PTPRO: variants seen among roughly 807,000 people sequenced by gnomAD.
PTPRO encodes protein tyrosine phosphatase receptor type O, also known as receptor-type tyrosine-protein phosphatase O.
PTPRO carries 62 observed loss-of-function variants against 145.2 expected under a neutral mutation model. The ratio of observed to expected loss-of-function variants is 0.43; its 90% CI spans 0.35 to 0.53. The LOEUF (loss-of-function observed/expected upper bound fraction) is 0.53, where lower values mean the gene tolerates loss of function less well. Ranked by LOEUF, PTPRO falls within the 20% of genes least tolerant of loss-of-function variation. The probability of loss-of-function intolerance (pLI) is 0.01; values close to 1 mark genes in which losing one functional copy is unlikely to be tolerated. For synonymous variants in PTPRO, 565 were observed against 514.7 expected (o/e 1.10, Z -1.32); for missense variants, 1,345 against 1,482.7 (o/e 0.91, Z 1.53).
intron 1 of PTPRO, among the ~76,000 whole-genome samples, chr12:15,331,211 T>C (rs1446115086): frequency 6.6e-6 from 1 of 152,052 alleles, no homozygotes; most frequent in Non-Finnish European, 1.5e-5. Flanking sequence ...AAATTTCAAG[T>C]GGAGGACTTG....
chr12:15,530,344 C>T (rs574498293), intron 12 of PTPRO, among the ~76,000 whole-genome samples: 27 of 152,244 alleles, frequency 1.8e-4, no homozygotes, highest in African/African-American at 5.3e-4. Context: ...AACAAAGAAA[C>T]AACAGAGTTA....
At chr12:15,477,505 A>G (rs1217286981) in intron 1 of PTPRO, among the ~76,000 whole-genome samples, 3 of 152,120 alleles carry the variant, frequency 2.0e-5, no homozygotes, top group Non-Finnish European at 4.4e-5. Context: ...GTATAATTAA[A>G]AAAAAATGCA....
intron 1 of PTPRO, among the ~76,000 whole-genome samples, chr12:15,449,973 C>T (rs1401435334): frequency 1.3e-5 from 2 of 152,170 alleles, no homozygotes; most frequent in African/African-American, 4.8e-5. Context: ...ATTTATGATT[C>T]AAGTAAGGAT....
At chr12:15,449,018 A>G (rs963538465) in intron 1 of PTPRO, among the ~76,000 whole-genome samples, 26 of 152,144 alleles carry the variant, frequency 1.7e-4, no homozygotes, top group Non-Finnish European at 3.5e-4. Context: ...ATTAAATTTA[A>G]AGTTTAATTG....
chr12:15,386,584 C>T (rs1159957249), intron 1 of PTPRO, among the ~76,000 whole-genome samples: 1 of 152,086 alleles, frequency 6.6e-6, no homozygotes, highest in Non-Finnish European at 1.5e-5. Flanking sequence ...AAAACAGTCA[C>T]ATATAGGCAA....
At chr12:15,478,638 A>T (rs1941710336) in intron 1 of PTPRO, among the ~76,000 whole-genome samples, 1 of 152,158 alleles carries the variant, frequency 6.6e-6, no homozygotes, top group Admixed American at 6.5e-5. Context: ...TCACAACCAC[A>T]GGCAAAAGGA....
chr12:15,441,569 A>G (rs1232171733), intron 1 of PTPRO, among the ~76,000 whole-genome samples: 1 of 152,150 alleles, frequency 6.6e-6, no homozygotes, highest in Non-Finnish European at 1.5e-5. Flanking sequence ...CAAAACTAAA[A>G]GTTGGTTCTT....
chr12:15,460,261 T>G (rs1286838372), intron 1 of PTPRO, among the ~76,000 whole-genome samples: 3 of 152,182 alleles, frequency 2.0e-5, no homozygotes, highest in Non-Finnish European at 4.4e-5. Context: ...GTCTTGTGGA[T>G]CAGCAGCATT....
chr12:15,409,101 A>G (rs1939724885), intron 1 of PTPRO, among the ~76,000 whole-genome samples: 1 of 152,072 alleles, frequency 6.6e-6, no homozygotes, highest in Non-Finnish European at 1.5e-5. Context: ...ATTTTATAGT[A>G]ATAACTAAGT....
chr12:15,519,048 A>G (rs112865506), intron 9 of PTPRO, among the ~76,000 whole-genome samples: 11,664 of 152,280 alleles, frequency 0.077, 550 homozygotes, highest in Non-Finnish European at 0.11. Context: ...TGACAAAGAC[A>G]TACCCAAGAC....
At chr12:15,325,065 G>A (rs1230046255) in intron 1 of PTPRO, among the ~76,000 whole-genome samples, 3 of 152,134 alleles carry the variant, frequency 2.0e-5, no homozygotes, top group East Asian at 1.9e-4. Flanking sequence ...AATGTTCCAC[G>A]TGTGCCGAGT....
At chr12:15,549,316 C>G (rs1312003371) in intron 14 of PTPRO, 90 bp downstream of exon 14, 5 of 1,095,902 alleles carry the variant, frequency 4.6e-6, no homozygotes, top group Non-Finnish European at 6.0e-6. Context: ...CAAGAAATCC[C>G]AAGCTTCGGA....
chr12:15,539,372 A>C (rs1285481307), intron 12 of PTPRO, among the ~76,000 whole-genome samples: 1 of 152,184 alleles, frequency 6.6e-6, no homozygotes, highest in African/African-American at 2.4e-5. Flanking sequence ...GAAAAACTCT[A>C]TTGATCTTTA....
intron 1 of PTPRO, among the ~76,000 whole-genome samples, chr12:15,372,588 A>T (rs1311428805): frequency 6.6e-6 from 1 of 152,178 alleles, no homozygotes; most frequent in Non-Finnish European, 1.5e-5. Flanking sequence ...AAGTGGGAGG[A>T]CAGTGTAATT....
At chr12:15,475,340 T>A (rs1307157358) in intron 1 of PTPRO, among the ~76,000 whole-genome samples, 1 of 152,214 alleles carries the variant, frequency 6.6e-6, no homozygotes, top group Non-Finnish European at 1.5e-5. Context: ...GGTTACTCAG[T>A]GCCTGATTTG....
At chr12:15,493,425 G>C (rs1271825156) in intron 2 of PTPRO, among the ~76,000 whole-genome samples, 2 of 152,052 alleles carry the variant, frequency 1.3e-5, no homozygotes, top group African/African-American at 4.8e-5. Context: ...ATGACAATGG[G>C]AATATGGTAT....
chr12:15,475,186 A>G (rs963917873), intron 1 of PTPRO, among the ~76,000 whole-genome samples: 1 of 152,170 alleles, frequency 6.6e-6, no homozygotes, highest in Non-Finnish European at 1.5e-5. Context: ...TATTATCACA[A>G]CCACCTTCTG....
intron 1 of PTPRO, among the ~76,000 whole-genome samples, chr12:15,413,562 C>T (rs1939861884): frequency 6.6e-6 from 1 of 152,112 alleles, no homozygotes; most frequent in African/African-American, 2.4e-5. Flanking sequence ...CTCCTGTAAT[C>T]CCAGCACTTC....
intron 2 of PTPRO, among the ~76,000 whole-genome samples, chr12:15,489,922 A>T (rs1941965888): frequency 6.6e-6 from 1 of 152,222 alleles, no homozygotes; most frequent in East Asian, 1.9e-4. Context: ...ATGGAATCGT[A>T]TATGCAAATA....
Sources: gnomAD v4.1 joint callset for allele counts (sites outside exome capture counted in the v4.1 genomes callset) on GRCh38, gnomAD v4.1.1 for gene constraint, MANE v1.5 for transcripts, NCBI Gene and HGNC (gene_info 2026-07-23, HGNC 2026-07-21) for gene names.